The following ATP8A2 variants were observed in gnomAD, a reference collection of about 807,000 sequenced individuals.
ATP8A2 encodes the protein ATPase phospholipid transporting 8A2.
Under a neutral mutation model 165.6 loss-of-function variants are expected in ATP8A2, and 100 were observed. The ratio of observed to expected loss-of-function variants is 0.60; its 90% CI spans 0.51 to 0.71. The LOEUF is 0.71. ATP8A2 is among the 30% of genes least tolerant of loss of function. ATP8A2 has a pLI of 0.00. For synonymous variants in ATP8A2, 543 were observed against 548.8 expected (o/e 0.99, Z 0.15); for missense variants, 1,227 against 1,479.5 (o/e 0.83, Z 2.80).
chr13:25,633,934 A>G (rs2041307882), intron 24 of ATP8A2, among the ~76,000 whole-genome samples: 1 of 151,872 alleles, frequency 6.6e-6, no homozygotes, highest in Admixed American at 6.6e-5. Context: ...CAAGATCGTG[A>G]CACTGTACTC....
chr13:25,987,151 C>G (rs1055558648), intron 35 of ATP8A2, among the ~76,000 whole-genome samples: 8 of 152,180 alleles, frequency 5.3e-5, no homozygotes, highest in African/African-American at 1.9e-4. Flanking sequence ...TAGTTTCCCA[C>G]TCCTGCGCCC....
chr13:25,571,889 A>G (rs1217680397), intron 18 of ATP8A2, 197 bp downstream of exon 18: 2 of 613,004 alleles, frequency 3.3e-6, no homozygotes. Flanking sequence ...TTCCCCTTCA[A>G]GATGCTTTTC....
intron 28 of ATP8A2, among the ~76,000 whole-genome samples, chr13:25,836,786 G>A (rs949935365): frequency 2.0e-5 from 3 of 152,172 alleles, no homozygotes; most frequent in African/African-American, 4.8e-5. Context: ...TGAGTATAAC[G>A]TCAGGGTGGA....
At chr13:25,996,040 C>G (rs1436977893) in intron 35 of ATP8A2, among the ~76,000 whole-genome samples, 1 of 152,092 alleles carries the variant, frequency 6.6e-6, no homozygotes, top group Admixed American at 6.5e-5. Context: ...TTCATTTTCT[C>G]CAGTAAGTTA....
intron 2 of ATP8A2, among the ~76,000 whole-genome samples, chr13:25,527,209 G>A (rs2037870012): frequency 6.6e-6 from 1 of 152,082 alleles, no homozygotes; most frequent in African/African-American, 2.4e-5. Context: ...ACACCTTATA[G>A]TGCTCTGCTG....
intron 33 of ATP8A2, among the ~76,000 whole-genome samples, chr13:25,937,665 C>A (rs1337534283): frequency 6.6e-6 from 1 of 150,832 alleles, no homozygotes; most frequent in Non-Finnish European, 1.5e-5. Flanking sequence ...CTGGTTAACA[C>A]GGTGAAACCC....
intron 33 of ATP8A2, among the ~76,000 whole-genome samples, chr13:25,865,602 A>G (rs1231408998): frequency 6.6e-6 from 1 of 152,188 alleles, no homozygotes; most frequent in Non-Finnish European, 1.5e-5. Flanking sequence ...CTTGAGGGCA[A>G]AGGAAAGGAA....
At position 26,022,724 on chromosome 13, in the gene ATP8A2, A is replaced by G. The variant is rs1007777572; in HGVS notation, c.*2739A>G. On this transcript the variant is annotated 3_prime_UTR_variant, in exon 37 of 37. Coordinates refer to ENST00000381655, the MANE Select transcript of ATP8A2 (RefSeq NM_016529.6). ...AATTGAGGTCAGAGTGTCACACACA[A>G]CCCCTCCCCTGGGGCAGGGTGGACT... 3 of 151,902 alleles carry G rather than the reference A, an allele frequency of 2.0e-5. No homozygotes were observed. Among genetic ancestry groups the G allele is most frequent in the African/African-American group, 7.3e-5 (3 of 41,314 alleles). The allele number at this position is 151,902 out of a possible 1,614,324, so 9.4% of individuals were successfully genotyped here.
intron 23 of ATP8A2, among the ~76,000 whole-genome samples, chr13:25,589,098 A>G (rs2039999840): frequency 6.6e-6 from 1 of 152,068 alleles, no homozygotes; most frequent in African/African-American, 2.4e-5. Context: ...TTCGTTCCAA[A>G]TAAGCCTTTA....
chr13:25,530,839 C>G (rs538620586), intron 4 of ATP8A2, among the ~76,000 whole-genome samples, 179 bp downstream of exon 4: 2 of 152,194 alleles, frequency 1.3e-5, no homozygotes, highest in African/African-American at 4.8e-5. Context: ...AATACCTGTA[C>G]AGTGACACTA....
chr13:25,903,503 C>G (rs986015415), intron 33 of ATP8A2, among the ~76,000 whole-genome samples: 3 of 152,184 alleles, frequency 2.0e-5, no homozygotes, highest in African/African-American at 7.2e-5. Flanking sequence ...TCATTCATTC[C>G]TCTGTTCAGA....
intron 33 of ATP8A2, among the ~76,000 whole-genome samples, chr13:25,892,033 C>T (rs1953379952): frequency 1.3e-5 from 2 of 150,802 alleles, no homozygotes; most frequent in South Asian, 2.1e-4. Flanking sequence ...GTTGCCCAGG[C>T]TGGAGTGCAG....
At chr13:25,754,083 T>C (rs1208532816) in intron 25 of ATP8A2, among the ~76,000 whole-genome samples, 7 of 152,238 alleles carry the variant, frequency 4.6e-5, no homozygotes, top group Non-Finnish European at 8.8e-5. Flanking sequence ...GCGTAACGCC[T>C]TGGAGGCCAT....
At chr13:25,742,555 C>T (rs2043936594) in intron 25 of ATP8A2, among the ~76,000 whole-genome samples, 1 of 151,730 alleles carries the variant, frequency 6.6e-6, no homozygotes, top group Non-Finnish European at 1.5e-5. Context: ...CAGTTATTGT[C>T]ATTGTTTATA....
chr13:25,451,359 AAG>A (rs1202817622), intron 1 of ATP8A2, among the ~76,000 whole-genome samples: 2 of 152,148 alleles, frequency 1.3e-5, no homozygotes, highest in East Asian at 1.9e-4. Context: ...TTCAGCTAGA[AAG>A]AGAGTGCGAT....
At chr13:26,002,849 TGTGTGTGTGTGTGTG>T (rs1566343454) in intron 35 of ATP8A2, among the ~76,000 whole-genome samples, 113 of 8,440 alleles carry the variant, frequency 0.013, 1 homozygote, top group South Asian at 0.11. Context: ...AGTATTCCAC[TGTGTGTGTGTGTGTG>T]TGTGTGTGTG....
chr13:25,850,487 T>A (rs1256830629), intron 30 of ATP8A2, among the ~76,000 whole-genome samples: 1 of 134,062 alleles, frequency 7.5e-6, no homozygotes, highest in African/African-American at 2.8e-5. Context: ...CCACCCCAAA[T>A]ATCCATCTCT....
chr13:25,818,660 T>C (rs1951086797), intron 27 of ATP8A2, among the ~76,000 whole-genome samples: 1 of 152,212 alleles, frequency 6.6e-6, no homozygotes, highest in Non-Finnish European at 1.5e-5. Flanking sequence ...TGTATCATCA[T>C]CAAAAATAAC....
At chr13:25,653,306 A>G (rs1191086279) in intron 24 of ATP8A2, among the ~76,000 whole-genome samples, 1 of 152,198 alleles carries the variant, frequency 6.6e-6, no homozygotes, top group Non-Finnish European at 1.5e-5. Flanking sequence ...TCGCAGGAAC[A>G]TGGGTGGAGC....
Sources: gnomAD v4.1 joint callset for allele counts (sites outside exome capture counted in the v4.1 genomes callset) on GRCh38, gnomAD v4.1.1 for gene constraint, MANE v1.5 for transcripts, NCBI Gene and HGNC (gene_info 2026-07-23, HGNC 2026-07-21) for gene names.